EIF4G3: variants seen among roughly 807,000 people sequenced by gnomAD.
EIF4G3 encodes the protein eukaryotic translation initiation factor 4 gamma 3.
A neutral mutation model predicts 186.4 loss-of-function variants in EIF4G3; 34 were observed. That is an observed-to-expected ratio of 0.18 (90% CI 0.14 to 0.24). The LOEUF (loss-of-function observed/expected upper bound fraction) is 0.24, where lower values mean the gene tolerates loss of function less well. Ranked by LOEUF, EIF4G3 falls within the 10% of genes least tolerant of loss-of-function variation. The pLI is 1.00. For synonymous variants in EIF4G3, 673 were observed against 679.5 expected, an observed-to-expected ratio of 0.99 and a Z score of 0.15; for missense variants, 1,536 against 1,948.5, an observed-to-expected ratio of 0.79 and a Z score of 3.99.
intron 11 of EIF4G3, among the ~76,000 whole-genome samples, chr1:20,972,588 T>C (rs552654070): frequency 3.3e-5 from 5 of 151,784 alleles, no homozygotes; most frequent in Admixed American, 6.6e-5. Flanking sequence ...TCAGCTGAGA[T>C]CGCGCCACTG....
At chr1:20,985,835 C>G (rs1397296268) in intron 7 of EIF4G3, among the ~76,000 whole-genome samples, 1 of 152,172 alleles carries the variant, frequency 6.6e-6, no homozygotes, top group Non-Finnish European at 1.5e-5. Flanking sequence ...TAAGAAACTT[C>G]AGCAACTTAA....
intron 29 of EIF4G3, among the ~76,000 whole-genome samples, chr1:20,842,526 C>A (rs1007638606): frequency 6.6e-6 from 1 of 152,180 alleles, no homozygotes; most frequent in Non-Finnish European, 1.5e-5. Context: ...AGCCACTACG[C>A]CTGGCTAATT....
At chr1:20,903,971 A>G (rs955096148) in intron 15 of EIF4G3, among the ~76,000 whole-genome samples, 13 of 152,360 alleles carry the variant, frequency 8.5e-5, no homozygotes, top group African/African-American at 3.1e-4. Context: ...CTCTTCATTT[A>G]TAAGCTTCAA....
At position 20,942,205 on chromosome 1, in the gene EIF4G3, C is replaced by G. The variant is rs1454505027; in HGVS notation, c.949G>C (p.Glu317Gln). ...SETTAIVSIA[E>Q]LPLPPSPTTV... ...GTAGGTGATGGAGGCAGAGGAAGCT[C>G]TGCTATGGATACTATTGCAGTAGTT... The change falls in exon 14 of 37, where the codon GAG becomes CAG. Residue 317 changes from glutamate to glutamine, a missense_variant. Transcript: ENST00000602326. 6 of 1,614,184 alleles carry G rather than the reference C, an allele frequency of 3.7e-6. No homozygotes were observed. The highest frequency in any genetic ancestry group is 4.2e-6 in the Non-Finnish European group (5 of 1,180,010).
At chr1:21,107,782 A>G (rs2102027421) in intron 2 of EIF4G3, among the ~76,000 whole-genome samples, 1 of 152,218 alleles carries the variant, frequency 6.6e-6, no homozygotes, top group East Asian at 1.9e-4. Flanking sequence ...CGACTCAAGC[A>G]ATTCTCCTGC....
At chr1:20,921,504 A>T (rs1339963322) in intron 14 of EIF4G3, among the ~76,000 whole-genome samples, 2 of 152,180 alleles carry the variant, frequency 1.3e-5, no homozygotes, top group Non-Finnish European at 2.9e-5. Flanking sequence ...CCAAACCATG[A>T]TTTTAAGGTC....
In EIF4G3 at chr1:20,875,731, T is replaced by C. The variant is rs2080573219; in HGVS notation, c.2622+3592A>G. On this transcript the variant is annotated intron_variant, in intron 20 of 36. Coordinates refer to ENST00000602326, the MANE Select transcript of EIF4G3 (RefSeq NM_001391906.1). ...GTTTACGACCAGTCTGGGCAACATA[T>C]TGAGATTCTGTCTCTATAAAAAATT... Among the ~76,000 whole-genome samples the C allele has an allele frequency of 2.0e-5, 3 of 152,076 alleles. No individual in the cohort carries two copies. In the South Asian group the frequency reaches 6.2e-4, roughly 31 times the overall value.
At chr1:20,967,371 T>C (rs1359730980) in intron 12 of EIF4G3, among the ~76,000 whole-genome samples, 7 of 152,234 alleles carry the variant, frequency 4.6e-5, no homozygotes, top group African/African-American at 1.4e-4. Context: ...AAAGTTTTGC[T>C]ATAGTGTGCC....
At position 20,822,022 on chromosome 1, in the gene EIF4G3, C is replaced by T. The variant is rs572310287; in HGVS notation, c.4368+3078G>A. 9.2e-5 allele frequency among the ~76,000 whole-genome samples: 14 copies of T among 152,082 alleles called. No homozygotes were observed. The East Asian group carries it at 2.3e-3, about 25-fold the overall frequency. The stretch of plus-strand genomic sequence containing the variant: ...CCTCCTGAGTAGCTGGGATTACAGG[C>T]GTGTGCTACCACACCTGGCTAATTT... On this transcript the variant is annotated intron_variant, in intron 33 of 36. Transcript: ENST00000602326.
intron 3 of EIF4G3, among the ~76,000 whole-genome samples, chr1:21,056,036 A>C (rs1248450245): frequency 2.0e-5 from 3 of 152,184 alleles, no homozygotes; most frequent in African/African-American, 7.2e-5. Flanking sequence ...AAAGAGAAAA[A>C]GCATTGTGCC....
At chr1:21,022,428 AT>A (rs1295028427) in intron 4 of EIF4G3, among the ~76,000 whole-genome samples, 3 of 152,216 alleles carry the variant, frequency 2.0e-5, no homozygotes, top group Admixed American at 1.3e-4. Flanking sequence ...ATAAACAGAC[AT>A]CATGCACACT....
chr1:21,055,993 T>C (rs2094545612), intron 3 of EIF4G3, among the ~76,000 whole-genome samples: 1 of 152,142 alleles, frequency 6.6e-6, no homozygotes, highest in Admixed American at 6.5e-5. Context: ...AGAAAACTAT[T>C]ATATTGCCCC....
intron 2 of EIF4G3, among the ~76,000 whole-genome samples, chr1:21,105,121 G>C (rs771300084): frequency 6.6e-6 from 1 of 152,148 alleles, no homozygotes; most frequent in African/African-American, 2.4e-5. Flanking sequence ...TATTACCTGG[G>C]TGATAAAATA....
At chr1:20,853,521 G>C (rs773475517) in intron 27 of EIF4G3, 39 bp downstream of exon 27, 1 of 1,379,034 alleles carries the variant, frequency 7.3e-7, no homozygotes, top group Non-Finnish European at 1.0e-6. Context: ...ACTGGCAAGC[G>C]GGCCAGCCTT....
rs747565944 is a variant in EIF4G3, at chr1:20,851,207, C to T, written c.3772+51G>A. On this transcript the variant is annotated intron_variant, in intron 28 of 36. Transcript: ENST00000602326. ...CAGGCACAGTCTCTTTTTTATTTTT[C>T]CTTCCAAATTTAAAACCCAAATCTG... 1.2e-5 allele frequency: 18 copies of T among 1,540,534 alleles called. No individual in the cohort carries two copies. The Admixed American group carries it at 1.5e-4, about 13-fold the overall frequency.
intron 2 of EIF4G3, among the ~76,000 whole-genome samples, chr1:21,119,324 GA>G (rs1036823065): frequency 2.3e-4 from 34 of 144,756 alleles, no homozygotes; most frequent in East Asian, 1.2e-3. Context: ...AATAAAAGGG[GA>G]AAAAAAAAAG....
At chr1:20,828,039 T>G (rs986558367) in intron 31 of EIF4G3, among the ~76,000 whole-genome samples, 1 of 148,868 alleles carries the variant, frequency 6.7e-6, no homozygotes, top group Non-Finnish European at 1.5e-5. Context: ...GTTTTTTTTT[T>G]TTTTTTTTTT....
intron 33 of EIF4G3, among the ~76,000 whole-genome samples, chr1:20,824,362 G>T (rs953002048): frequency 6.6e-6 from 1 of 152,106 alleles, no homozygotes; most frequent in African/African-American, 2.4e-5. Context: ...TTGCATTCTT[G>T]TTCTCTTTTT....
At chr1:20,855,420 A>G (rs2074585054) in intron 25 of EIF4G3, among the ~76,000 whole-genome samples, 1 of 152,240 alleles carries the variant, frequency 6.6e-6, no homozygotes, top group South Asian at 2.1e-4. Context: ...AAATACAAAT[A>G]CTACAAAATT....
Sources: allele counts gnomAD v4.1 joint callset (sites outside exome capture counted in the v4.1 genomes callset), GRCh38; gene constraint gnomAD v4.1.1; transcripts MANE v1.5; gene names NCBI Gene and HGNC (gene_info 2026-07-23, HGNC 2026-07-21).